Variants in GABRA4 observed in about 807,000 individuals in gnomAD.
The protein encoded by GABRA4 is gamma-aminobutyric acid receptor subunit alpha-4.
Under a neutral mutation model 49.7 loss-of-function variants are expected in GABRA4, and 12 were observed. The ratio of observed to expected loss-of-function variants is 0.24; its 90% CI spans 0.15 to 0.39. The LOEUF (loss-of-function observed/expected upper bound fraction) is 0.39. Ranked by LOEUF, GABRA4 falls within the 10% of genes least tolerant of loss-of-function variation. GABRA4 has a pLI of 1.00. For missense variants in GABRA4, 506 were observed against 686.0 expected, an observed-to-expected ratio of 0.74 and a Z score of 2.93; for synonymous variants, 288 against 240.2, an observed-to-expected ratio of 1.20 and a Z score of -1.84.
intron 8 of GABRA4, among the ~76,000 whole-genome samples, chr4:46,961,590 A>G (rs1036682350): frequency 2.0e-5 from 3 of 151,924 alleles, no homozygotes; most frequent in Non-Finnish European, 2.9e-5. Flanking sequence ...TTGTTGAATG[A>G]GTGAATAAAT....
At chr4:46,952,899 A>G (rs944578682) in intron 8 of GABRA4, among the ~76,000 whole-genome samples, 1 of 151,050 alleles carries the variant, frequency 6.6e-6, no homozygotes, top group Admixed American at 6.6e-5. Flanking sequence ...ACAAAATTTC[A>G]CCAATGGAAA....
At chr4:46,942,492 G>GT (rs1448385058) in intron 8 of GABRA4, among the ~76,000 whole-genome samples, 1 of 151,992 alleles carries the variant, frequency 6.6e-6, no homozygotes, top group Non-Finnish European at 1.5e-5. Flanking sequence ...AGACGTGGTG[G>GT]TGCACACCTG....
rs1458027533 is a variant in GABRA4 at position 46,925,769 on chromosome 4, TATC to T, written c.*2453_*2455del. 2.0e-5 allele frequency: 3 copies of T among 147,342 alleles called. No individual in the cohort carries two copies. Among genetic ancestry groups the T allele is most frequent in the African/African-American group, 4.9e-5 (2 of 40,596 alleles). 9.1% of individuals were successfully genotyped at this position (147,342 alleles called of 1,614,324 possible). A position where few individuals can be genotyped will look rare whatever the true frequency, so the allele number is the denominator to read the frequency against. Reference sequence around the variant, plus strand: ...TTATTATTATTATTATCATCATTATTATCATTGTGTGCAAATGAAATAATTTAT... The same window carrying T: ...TTATTATTATTATTATCATCATTATTATTGTGTGCAAATGAAATAATTTAT... On this transcript the variant is annotated 3_prime_UTR_variant, in exon 9 of 9. Transcript: ENST00000264318.
At chr4:46,987,820 G>T (rs1393270852) in intron 2 of GABRA4, among the ~76,000 whole-genome samples, 2 of 152,094 alleles carry the variant, frequency 1.3e-5, no homozygotes, top group Admixed American at 1.3e-4. Context: ...ATGCAGACAA[G>T]ATGGAGCATT....
At chr4:46,960,889 A>T (rs1361288654) in intron 8 of GABRA4, among the ~76,000 whole-genome samples, 1 of 151,820 alleles carries the variant, frequency 6.6e-6, no homozygotes, top group Non-Finnish European at 1.5e-5. Flanking sequence ...ATTAGAAAAT[A>T]GAAACAATGA....
intron 1 of GABRA4, 102 bp from the exon 2 acceptor site, chr4:46,993,048 G>A: frequency 1.1e-6 from 1 of 909,614 alleles, no homozygotes; most frequent in Non-Finnish European, 1.8e-6. Flanking sequence ...AGAGTCGCTT[G>A]CCCCAAGCTA....
At chr4:46,937,468 CTCTT>C (rs1721641133) in intron 8 of GABRA4, among the ~76,000 whole-genome samples, 1 of 152,160 alleles carries the variant, frequency 6.6e-6, no homozygotes, top group South Asian at 2.1e-4. Context: ...CAACGTATCA[CTCTT>C]TCTTCTTTCA....
At chr4:46,940,194 C>A (rs1353607730) in intron 8 of GABRA4, among the ~76,000 whole-genome samples, 1 of 152,014 alleles carries the variant, frequency 6.6e-6, no homozygotes, top group African/African-American at 2.4e-5. Context: ...CAAACTATCC[C>A]TGAAATTTGG....
At chr4:46,950,786 G>A (rs1030458474) in intron 8 of GABRA4, among the ~76,000 whole-genome samples, 2 of 149,556 alleles carry the variant, frequency 1.3e-5, no homozygotes, top group African/African-American at 4.9e-5. Flanking sequence ...ACTCTCCAGG[G>A]AAGCAAGAAG....
At chr4:46,944,440 T>C (rs1721915334) in intron 8 of GABRA4, among the ~76,000 whole-genome samples, 1 of 152,110 alleles carries the variant, frequency 6.6e-6, no homozygotes, top group African/African-American at 2.4e-5. Flanking sequence ...GATTGGCTTT[T>C]CTTCTTTTCC....
chr4:46,950,016 A>G (rs1722114426), intron 8 of GABRA4, among the ~76,000 whole-genome samples: 1 of 152,120 alleles, frequency 6.6e-6, no homozygotes, highest in African/African-American at 2.4e-5. Flanking sequence ...TTCTATGTAT[A>G]ACAGGTAACC....
chr4:46,951,623 G>C (rs1037882328), intron 8 of GABRA4, among the ~76,000 whole-genome samples: 1 of 151,890 alleles, frequency 6.6e-6, no homozygotes, highest in Non-Finnish European at 1.5e-5. Flanking sequence ...CAGGGACCTA[G>C]ACAAAGAGAA....
intron 2 of GABRA4, 23 bp downstream of exon 2, chr4:46,992,805 T>C: frequency 2.0e-6 from 3 of 1,532,460 alleles, no homozygotes; most frequent in Non-Finnish European, 1.8e-6. Flanking sequence ...AGGACACACT[T>C]GCGCGTTTGA....
chr4:46,961,129 A>T (rs1220818508), intron 8 of GABRA4, among the ~76,000 whole-genome samples: 1 of 151,920 alleles, frequency 6.6e-6, no homozygotes, highest in Non-Finnish European at 1.5e-5. Flanking sequence ...TCGTGATGAA[A>T]TTGATTCATT....
chr4:46,969,272 A>G (rs1289125232), intron 7 of GABRA4, among the ~76,000 whole-genome samples: 1 of 151,564 alleles, frequency 6.6e-6, no homozygotes, highest in African/African-American at 2.4e-5. Context: ...AAAAATGTAT[A>G]CATGAGTTTT....
chr4:46,925,551 C>A lies in GABRA4; in HGVS notation c.*2674G>T, dbSNP rs528848022. The stretch of plus-strand genomic sequence containing the variant: ...ATAGATAACCAGAACTTTGGGTGCC[C>A]CTAATCATTCTTCTGAGATTTTCTA... On this transcript the variant is annotated 3_prime_UTR_variant, in exon 9 of 9. Coordinates refer to ENST00000264318, the MANE Select transcript of GABRA4 (RefSeq NM_000809.4). 3.3e-5 allele frequency: 5 copies of A among 151,504 alleles called. No homozygotes were observed. The South Asian group carries it at 1.0e-3, about 32-fold the overall frequency. 9.4% of individuals were successfully genotyped at this position (151,504 alleles called of 1,614,324 possible).
chr4:46,959,770 A>C (rs1463503669), intron 8 of GABRA4, among the ~76,000 whole-genome samples: 1 of 148,504 alleles, frequency 6.7e-6, no homozygotes, highest in Admixed American at 6.8e-5. Context: ...AAAAAAAAAA[A>C]AAAAAAGAAA....
rs1721136468 is a variant in GABRA4, at chr4:46,924,379, G to C, written c.*3846C>G. 1 of 151,918 alleles carries C rather than the reference G, an allele frequency of 6.6e-6. No homozygotes were observed. Among genetic ancestry groups the C allele is most frequent in the African/African-American group, 2.4e-5 (1 of 41,368 alleles). The allele number at this position is 151,918 out of a possible 1,614,324, so 9.4% of individuals were successfully genotyped here. On this transcript the variant is annotated 3_prime_UTR_variant, in exon 9 of 9. Transcript: ENST00000264318. ...CTGAGATGAGTATCACTCTAGTTTT[G>C]GCCCTGCTGTATTCTACTGAAGCAT...
chr4:46,971,002 A>C, intron 7 of GABRA4, 81 bp downstream of exon 7: 2 of 1,355,800 alleles, frequency 1.5e-6, no homozygotes, highest in South Asian at 2.7e-5. Context: ...ATTAGGGTTT[A>C]AGATTTTCTT....
Sources: gnomAD v4.1 joint callset for allele counts (sites outside exome capture counted in the v4.1 genomes callset) on GRCh38, gnomAD v4.1.1 for gene constraint, MANE v1.5 for transcripts, NCBI Gene and HGNC (gene_info 2026-07-23, HGNC 2026-07-21) for gene names.